The following CDYL2 variants were observed in gnomAD, a reference collection of about 807,000 sequenced individuals.
CDYL2 encodes chromodomain Y-like protein 2.
In CDYL2, 23 loss-of-function variants were observed where a neutral mutation model predicts 49.4. The ratio of observed to expected loss-of-function variants is 0.47; its 90% CI spans 0.34 to 0.66. The LOEUF (loss-of-function observed/expected upper bound fraction) is 0.66. CDYL2 is among the 30% of genes least tolerant of loss of function. CDYL2 has a pLI of 0.01. For missense variants in CDYL2, 678 were observed against 656.4 expected, an observed-to-expected ratio of 1.03 and a Z score of -0.36; for synonymous variants, 360 against 268.8, an observed-to-expected ratio of 1.34 and a Z score of -3.32.
At chr16:80,675,498 A>ACCACCACCGCTG (rs1264750186) in intron 2 of CDYL2, among the ~76,000 whole-genome samples, 1 of 152,024 alleles carries the variant, frequency 6.6e-6, no homozygotes, top group Non-Finnish European at 1.5e-5. Flanking sequence ...CATCACCACC[A>ACCACCACCGCTG]CCACCACCGC....
chr16:80,629,323 G>A (rs1907446938), intron 3 of CDYL2, among the ~76,000 whole-genome samples: 1 of 152,236 alleles, frequency 6.6e-6, no homozygotes, highest in African/African-American at 2.4e-5. Flanking sequence ...TAGCCTAGTA[G>A]TGGACTGTAA....
intron 1 of CDYL2, among the ~76,000 whole-genome samples, chr16:80,712,946 A>C (rs1307656286): frequency 1.3e-5 from 2 of 152,210 alleles, no homozygotes. Context: ...ACCCAACAGA[A>C]GGGACAAGAG....
chr16:80,754,284 A>G (rs570015945), intron 1 of CDYL2, among the ~76,000 whole-genome samples: 1 of 152,168 alleles, frequency 6.6e-6, no homozygotes, highest in African/African-American at 2.4e-5. Context: ...AGGAGCTACA[A>G]CCAACAGGTG....
intron 1 of CDYL2, among the ~76,000 whole-genome samples, chr16:80,761,568 C>T (rs186893296): frequency 3.9e-5 from 6 of 152,230 alleles, no homozygotes; most frequent in African/African-American, 1.4e-4. Context: ...AGATCAGAAT[C>T]ACCTGCGGAG....
intron 2 of CDYL2, among the ~76,000 whole-genome samples, chr16:80,684,333 C>G (rs192826589): frequency 6.6e-6 from 1 of 152,160 alleles, no homozygotes; most frequent in African/African-American, 2.4e-5. Context: ...GAGGCTTAGC[C>G]TCCCCACATG....
At chr16:80,687,506 T>C (rs893932411) in intron 1 of CDYL2, among the ~76,000 whole-genome samples, 1 of 151,192 alleles carries the variant, frequency 6.6e-6, no homozygotes, top group African/African-American at 2.4e-5. Context: ...AGATGGATGG[T>C]AGGATGTATG....
intron 2 of CDYL2, among the ~76,000 whole-genome samples, chr16:80,637,694 G>A (rs186553239): frequency 2.1e-4 from 32 of 152,216 alleles, no homozygotes; most frequent in Admixed American, 2.0e-3. Context: ...ATAGTACAAT[G>A]GAGAGATTAT....
rs530365633 is a variant in CDYL2 at position 80,659,713 on chromosome 16, T to C, written c.616+24825A>G. Among the ~76,000 whole-genome samples, 50 of 152,218 alleles carry C rather than the reference T, an allele frequency of 3.3e-4. No homozygotes were observed. The South Asian group carries it at 0.01, about 31-fold the overall frequency. ...AGAAAATGGGTCCTTCATAGTTTTC[T>C]GTAAGTTTGAAATTATTTCAAAATA... On this transcript the variant is annotated intron_variant, in intron 2 of 6. Transcript: ENST00000570137.
intron 2 of CDYL2, among the ~76,000 whole-genome samples, chr16:80,682,934 G>A (rs1209774831): frequency 3.9e-5 from 6 of 152,218 alleles, no homozygotes; most frequent in Admixed American, 2.6e-4. Flanking sequence ...CTGGGGCAAA[G>A]ATGCTAAGTA....
intron 1 of CDYL2, among the ~76,000 whole-genome samples, chr16:80,803,290 A>C (rs1907982245): frequency 6.6e-6 from 1 of 152,206 alleles, no homozygotes; most frequent in Non-Finnish European, 1.5e-5. Flanking sequence ...GAGAGTATCC[A>C]ACGCTGGCCA....
At chr16:80,709,107 G>C (rs1362266242) in intron 1 of CDYL2, among the ~76,000 whole-genome samples, 1 of 152,188 alleles carries the variant, frequency 6.6e-6, no homozygotes, top group Non-Finnish European at 1.5e-5. Flanking sequence ...AATTTAGCCA[G>C]GCCTGGTGGC....
chr16:80,747,479 T>A (rs1905971699), intron 1 of CDYL2, among the ~76,000 whole-genome samples: 3 of 152,118 alleles, frequency 2.0e-5, no homozygotes, highest in African/African-American at 4.8e-5. Context: ...GCTTAATAAA[T>A]CTAGACACAA....
At chr16:80,681,670 T>C (rs1000192513) in intron 2 of CDYL2, among the ~76,000 whole-genome samples, 2 of 152,194 alleles carry the variant, frequency 1.3e-5, no homozygotes, top group African/African-American at 4.8e-5. Flanking sequence ...GGGACAATTA[T>C]CACACGAGTG....
intron 1 of CDYL2, 73 bp downstream of exon 1, chr16:80,804,077 T>C (rs1211609840): frequency 1.1e-6 from 1 of 931,818 alleles, no homozygotes; most frequent in Non-Finnish European, 1.3e-6. Context: ...CCCGGCCCGG[T>C]CCCCGCCGCC....
chr16:80,674,801 G>A (rs112045044), intron 2 of CDYL2, among the ~76,000 whole-genome samples: 2 of 152,302 alleles, frequency 1.3e-5, no homozygotes, highest in East Asian at 3.9e-4. Context: ...CTGGGAAGAC[G>A]ACATTTTGTT....
At chr16:80,797,925 A>C (rs919451756) in intron 1 of CDYL2, among the ~76,000 whole-genome samples, 3 of 152,364 alleles carry the variant, frequency 2.0e-5, no homozygotes, top group African/African-American at 7.2e-5. Context: ...ATATGTATCA[A>C]CAGCATTAAA....
intron 2 of CDYL2, among the ~76,000 whole-genome samples, chr16:80,655,284 C>T (rs1908756778): frequency 6.6e-6 from 1 of 152,212 alleles, no homozygotes; most frequent in African/African-American, 2.4e-5. Context: ...CAGCCATCTC[C>T]TCATTTTATT....
chr16:80,685,980 T>C (rs1567570964), intron 1 of CDYL2, among the ~76,000 whole-genome samples: 2 of 152,174 alleles, frequency 1.3e-5, no homozygotes, highest in Non-Finnish European at 2.9e-5. Flanking sequence ...AAGAGATAGG[T>C]AACATTTGCT....
Position 80,751,108 on chromosome 16 carries a change from A to G in CDYL2, c.24+53042T>C, listed in dbSNP as rs79811973. Among the ~76,000 whole-genome samples, 433 of 152,344 alleles carry G rather than the reference A, an allele frequency of 2.8e-3. 9 individuals carry two copies. In the East Asian group the frequency reaches 0.064, roughly 22 times the overall value. ...TATAGAAAAATATAGGAATCTATCA[A>G]TCTATTTTGTGGCTTGCCAAACTCT... On this transcript the variant is annotated intron_variant, in intron 1 of 6. Coordinates refer to ENST00000570137, the MANE Select transcript of CDYL2 (RefSeq NM_152342.4).
Sources: allele counts gnomAD v4.1 joint callset (sites outside exome capture counted in the v4.1 genomes callset), GRCh38; gene constraint gnomAD v4.1.1; transcripts MANE v1.5; gene names NCBI Gene and HGNC (gene_info 2026-07-23, HGNC 2026-07-21).